PRKG2: variants seen among roughly 807,000 people sequenced by gnomAD.
PRKG2 encodes the protein cGMP-dependent protein kinase 2.
In PRKG2, 33 loss-of-function variants were observed where a neutral mutation model predicts 97.2. That is an observed-to-expected ratio of 0.34 (90% CI 0.26 to 0.45). The LOEUF is 0.45. Among genes scored for constraint, PRKG2 ranks in the 20% least tolerant of loss-of-function variants. PRKG2 has a pLI of 1.00. For synonymous variants in PRKG2, 330 were observed against 321.8 expected, an observed-to-expected ratio of 1.03 and a Z score of -0.27; for missense variants, 638 against 900.0, an observed-to-expected ratio of 0.71 and a Z score of 3.73.
At chr4:81,153,145 T>G (rs1212025264) in intron 7 of PRKG2, among the ~76,000 whole-genome samples, 2 of 152,252 alleles carry the variant, frequency 1.3e-5, no homozygotes, top group East Asian at 3.8e-4. Context: ...GTATAAATTT[T>G]GCATCAGCAT....
chr4:81,104,867 A>G (rs1325843544), intron 16 of PRKG2, among the ~76,000 whole-genome samples: 2 of 152,122 alleles, frequency 1.3e-5, no homozygotes, highest in African/African-American at 4.8e-5. Context: ...AAAAGTTCAA[A>G]TAGGAAAAAA....
At chr4:81,189,066 T>TAAAATAAAAAAAAAA (rs1752192390) in intron 2 of PRKG2, among the ~76,000 whole-genome samples, 5 of 17,062 alleles carry the variant, frequency 2.9e-4, no homozygotes, top group African/African-American at 2.4e-3. Context: ...AAAAAAATAA[T>TAAAATAAAAAAAAAA]AAAAAAAAAA....
intron 12 of PRKG2, 128 bp from the exon 13 acceptor site, chr4:81,137,610 TAC>T: frequency 1.5e-6 from 1 of 685,218 alleles, no homozygotes; most frequent in East Asian, 2.7e-5. Flanking sequence ...ACCCCACAAC[TAC>T]ACTGGGCTTC....
chr4:81,139,895 G>A (rs948770501), intron 12 of PRKG2, among the ~76,000 whole-genome samples: 3 of 152,090 alleles, frequency 2.0e-5, no homozygotes, highest in Non-Finnish European at 4.4e-5. Flanking sequence ...TCCAGAGTGG[G>A]GCCTCCTCCA....
At chr4:81,110,859 G>A (rs1297217311) in intron 14 of PRKG2, among the ~76,000 whole-genome samples, 1 of 150,858 alleles carries the variant, frequency 6.6e-6, no homozygotes, top group Admixed American at 6.7e-5. Flanking sequence ...ACTGCGGAAA[G>A]TTCCATGCAC....
chr4:81,208,306 A>ATG (rs1753788611), intron 1 of PRKG2, among the ~76,000 whole-genome samples: 2 of 152,180 alleles, frequency 1.3e-5, no homozygotes, highest in Non-Finnish European at 2.9e-5. Context: ...AGCTCTTATT[A>ATG]TAGTATGTAA....
chr4:81,089,681 T>C lies in PRKG2; in HGVS notation c.*27A>G, dbSNP rs374322292. On this transcript the variant is annotated 3_prime_UTR_variant, in exon 19 of 19. Coordinates refer to ENST00000264399, the MANE Select transcript of PRKG2 (RefSeq NM_006259.3). ...ATCCTTGAGGTCCTCTTCTGTAGAG[T>C]ACAGGCAGTAATCAACTTTTCTTCT... The C allele has an allele frequency of 7.4e-6, 11 of 1,488,622 alleles. No individual in the cohort carries two copies. Among genetic ancestry groups the C allele is most frequent in the South Asian group, 3.4e-5 (3 of 88,348 alleles). 92.2% of individuals were successfully genotyped at this position (1,488,622 alleles called of 1,614,324 possible).
chr4:81,101,886 T>C (rs1742837022), intron 17 of PRKG2, among the ~76,000 whole-genome samples: 1 of 152,110 alleles, frequency 6.6e-6, no homozygotes, highest in Non-Finnish European at 1.5e-5. Flanking sequence ...TCTAAGAATA[T>C]ACTGAGTAGA....
intron 14 of PRKG2, among the ~76,000 whole-genome samples, chr4:81,124,412 C>T (rs1745354449): frequency 1.3e-5 from 2 of 152,182 alleles, no homozygotes; most frequent in South Asian, 4.1e-4. Context: ...TATTCTGAAG[C>T]GTCTCATCCC....
At chr4:81,189,095 A>AAAAAAAAGACTG (rs1752231830) in intron 2 of PRKG2, among the ~76,000 whole-genome samples, 1 of 113,366 alleles carries the variant, frequency 8.8e-6, no homozygotes, top group Non-Finnish European at 1.6e-5. Flanking sequence ...AAAAAAAAGA[A>AAAAAAAAGACTG]GCTAGCAATT....
chr4:81,204,966 T>A lies in PRKG2; in HGVS notation c.82A>T (p.Asn28Tyr). The change falls in exon 2 of 19, where the codon AAC becomes TAC. Residue 28 changes from asparagine to tyrosine, a missense_variant. Asn to Tyr is a moderately radical substitution (Grantham distance 143, BLOSUM62 -2). This residue lies in a region of PRKG2 where 332 missense variants were observed against 421.7 expected (regional missense o/e 0.79). Transcript: ENST00000264399. ...SGNLTTDALR[N>Y]KVTELERELR... Reference sequence around the variant, plus strand: ...TCTCTCTCCAGCTCTGTCACCTTGTTCCGCAGAGCATCAGTGGTGAGGTTC... The same window carrying A: ...TCTCTCTCCAGCTCTGTCACCTTGTACCGCAGAGCATCAGTGGTGAGGTTC... The A allele has an allele frequency of 6.2e-7, 1 of 1,614,150 alleles. No homozygotes were observed. Among genetic ancestry groups the A allele is most frequent in the Non-Finnish European group, 8.5e-7 (1 of 1,180,040 alleles).
intron 14 of PRKG2, among the ~76,000 whole-genome samples, chr4:81,120,640 C>T (rs1056852573): frequency 6.6e-6 from 1 of 152,092 alleles, no homozygotes; most frequent in Non-Finnish European, 1.5e-5. Context: ...TGCATGTTAG[C>T]CTTGTATCCT....
chr4:81,185,640 T>C (rs868521362), intron 2 of PRKG2, among the ~76,000 whole-genome samples: 1 of 150,472 alleles, frequency 6.6e-6, no homozygotes, highest in Non-Finnish European at 1.5e-5. Context: ...ACCTTAAATG[T>C]AAATGGGCTA....
intron 17 of PRKG2, among the ~76,000 whole-genome samples, chr4:81,101,948 G>T (rs1742846226): frequency 6.6e-6 from 1 of 152,082 alleles, no homozygotes; most frequent in African/African-American, 2.4e-5. Flanking sequence ...CTCCCATTTG[G>T]AGAGAAAGAT....
rs78522017 is a variant in PRKG2 at position 81,138,849 on chromosome 4, C to T, written c.1545-1367G>A. On this transcript the variant is annotated intron_variant, in intron 12 of 18. Transcript: ENST00000264399. ...TTTAAAAGTGCATCCATTCTGGGAA[C>T]GTAATATAAAGATAATTGGATGACT... Among the ~76,000 whole-genome samples, 546 of 152,160 alleles carry T rather than the reference C, an allele frequency of 3.6e-3. 6 individuals carry two copies. Among genetic ancestry groups the T allele is most frequent in the African/African-American group, 0.012 (508 of 41,514 alleles).
At chr4:81,155,890 A>C (rs1450095210) in intron 6 of PRKG2, among the ~76,000 whole-genome samples, 1 of 151,970 alleles carries the variant, frequency 6.6e-6, no homozygotes, top group Admixed American at 6.6e-5. Flanking sequence ...GAGAGATTTC[A>C]TCACCACCAG....
intron 2 of PRKG2, among the ~76,000 whole-genome samples, chr4:81,177,313 G>A (rs988473211): frequency 6.6e-6 from 1 of 152,102 alleles, no homozygotes; most frequent in African/African-American, 2.4e-5. Flanking sequence ...TTATAACTTG[G>A]TGTATAGACA....
chr4:81,147,254 TCTATC>T (rs150037929), intron 9 of PRKG2, among the ~76,000 whole-genome samples: 14,464 of 152,226 alleles, frequency 0.095, 907 homozygotes, highest in Middle Eastern at 0.2. Flanking sequence ...GCTCCTCCTT[TCTATC>T]CTATTTGTAG....
intron 2 of PRKG2, among the ~76,000 whole-genome samples, chr4:81,180,962 A>G (rs1751354728): frequency 7.8e-6 from 1 of 128,902 alleles, no homozygotes; most frequent in African/African-American, 4.1e-5. Context: ...CATTAGGTAT[A>G]TCTCCTAGCT....
Sources: allele counts gnomAD v4.1 joint callset (sites outside exome capture counted in the v4.1 genomes callset), GRCh38; gene constraint gnomAD v4.1.1; regional missense constraint gnomAD v4.1.1; transcripts MANE v1.5; gene names NCBI Gene and HGNC (gene_info 2026-07-23, HGNC 2026-07-21).